API5: variants seen among roughly 807,000 people sequenced by gnomAD.
The protein encoded by API5 is FIF.
In API5, 6 loss-of-function variants were observed where a neutral mutation model predicts 71.9. That is an observed-to-expected ratio of 0.08 (90% CI 0.05 to 0.16). The LOEUF is 0.16. Among genes scored for constraint, API5 ranks in the 10% least tolerant of loss-of-function variants. The probability of loss-of-function intolerance (pLI) is 1.00; values close to 1 mark genes in which losing one functional copy is unlikely to be tolerated. For missense variants in API5, 332 were observed against 612.8 expected (o/e 0.54, Z 4.84); for synonymous variants, 189 against 221.3 (o/e 0.85, Z 1.30).
rs1855073479 is a variant in API5 at position 43,326,369 on chromosome 11, C to T, written c.751-138C>T. 1.1e-5 allele frequency: 6 copies of T among 543,574 alleles called. No individual in the cohort carries two copies. In the South Asian group the frequency reaches 1.4e-4, roughly 12 times the overall value. The allele number at this position is 543,574 out of a possible 1,614,324, so 33.7% of individuals were successfully genotyped here. On this transcript the variant is annotated intron_variant, in intron 6 of 13. Coordinates refer to ENST00000531273, the MANE Select transcript of API5 (RefSeq NM_001142930.2). ...CTATTGAGGTTATATCTGGGGCATG[C>T]TGGGGTGTGCACTATATCGTATTTG... is the stretch of plus-strand genomic sequence containing the variant.
chr11:43,323,609 C>T lies in API5; in HGVS notation c.723C>T (p.Cys241=). The T allele has an allele frequency of 6.2e-7, 1 of 1,613,982 alleles. No individual in the cohort carries two copies. The highest frequency in any genetic ancestry group is 1.1e-5 in the South Asian group (1 of 91,076). ...DPDCVDRLLQ[C]TRQAVPLFSK... is the part of the protein sequence containing the mutation. Reference sequence around the variant, plus strand: ...ACTGTGTGGACAGGCTCTTACAGTGCACTCGGCAGGCAGTACCCCTCTTCT... The same window carrying T: ...ACTGTGTGGACAGGCTCTTACAGTGTACTCGGCAGGCAGTACCCCTCTTCT... Residue 241 remains cysteine (C), a synonymous_variant, in exon 6 of 14, where the codon TGC becomes TGT. Coordinates refer to ENST00000531273, the MANE Select transcript of API5 (RefSeq NM_001142930.2).
intron 1 of API5, among the ~76,000 whole-genome samples, chr11:43,313,493 G>A (rs2134333704): frequency 6.6e-6 from 1 of 152,208 alleles, no homozygotes; most frequent in Non-Finnish European, 1.5e-5. Context: ...CTTGGAGAAA[G>A]TGGAAGATTC....
Position 43,327,856 on chromosome 11 carries a change from G to A in API5, c.923G>A (p.Arg308Lys). 1 of 1,611,866 alleles carries A rather than the reference G, an allele frequency of 6.2e-7. No homozygotes were observed. Among genetic ancestry groups the A allele is most frequent in the Non-Finnish European group, 8.5e-7 (1 of 1,178,828 alleles). ...GDMEKLETNLRKLFDKLLEYM... is the reference protein window; with the variant it reads ...GDMEKLETNLKKLFDKLLEYM... ...ATGGAAAAACTAGAAACAAATTTAA[G>A]GAAACTATTTGATAAGTTATTGGTA... Residue 308 changes from arginine (R) to lysine (K), a missense_variant, in exon 8 of 14, where the codon AGG (arginine) becomes AAG (lysine). By Grantham distance (26) the Arg-to-Lys change is conservative. Coordinates refer to ENST00000531273, the MANE Select transcript of API5 (RefSeq NM_001142930.2).
chr11:43,340,602 A>G (rs1182590732), intron 13 of API5, among the ~76,000 whole-genome samples: 1 of 152,252 alleles, frequency 6.6e-6, no homozygotes, highest in African/African-American at 2.4e-5. Flanking sequence ...AATGGAACAG[A>G]ACAGAGAACC....
At position 43,323,466 on chromosome 11, in the gene API5, T is replaced by G. The variant is rs752453501; in HGVS notation, c.580T>G (p.Phe194Val). 6.2e-7 allele frequency: 1 copy of G among 1,614,138 alleles called. No individual in the cohort carries two copies. The highest frequency in any genetic ancestry group is 1.1e-5 in the South Asian group (1 of 91,084). Reference protein sequence around the residue: ...EDVTGEEFVLFMKILSGLKSL... With the variant: ...EDVTGEEFVLVMKILSGLKSL... ...TGTGACTGGTGAAGAATTTGTTCTA[T>G]TTATGAAGATACTGTCTGGGTTAAA... is the stretch of plus-strand genomic sequence containing the variant. The change falls in exon 6 of 14, where the codon TTT becomes GTT. Residue 194 changes from phenylalanine (F) to valine (V), a missense_variant. Around this residue, in one of 3 missense-constraint regions of API5, gnomAD observed 127 missense variants for 237.6 expected, o/e 0.53. Transcript: ENST00000531273.
At chr11:43,318,585 T>A in intron 1 of API5, 55 bp from the exon 2 acceptor site, 1 of 1,596,412 alleles carries the variant, frequency 6.3e-7, no homozygotes. Context: ...GGTCTTTTAC[T>A]TTGCTTCCCA....
At position 43,312,056 on chromosome 11, in the gene API5, G is replaced by T; in HGVS notation, c.-72G>T. Reference sequence around the variant, plus strand: ...TAATAGTGCGGGTAGTGGGTTTGGAGAAGTTCCGAGGCGGCGGTGGCGCCG... The same window carrying T: ...TAATAGTGCGGGTAGTGGGTTTGGATAAGTTCCGAGGCGGCGGTGGCGCCG... On this transcript the variant is annotated 5_prime_UTR_variant, in exon 1 of 14. Transcript: ENST00000531273. 6.4e-7 allele frequency: 1 copy of T among 1,552,610 alleles called. No homozygotes were observed. The highest frequency in any genetic ancestry group is 8.8e-7 in the Non-Finnish European group (1 of 1,131,132).
intron 10 of API5, 155 bp from the exon 11 acceptor site, chr11:43,330,353 G>T: frequency 1.5e-6 from 1 of 683,618 alleles, no homozygotes; most frequent in Non-Finnish European, 2.6e-6. Context: ...CAAGCAATAG[G>T]AATACGCATT....
intron 13 of API5, chr11:43,339,378 C>G (rs1475803188): frequency 6.6e-6 from 1 of 152,188 alleles, no homozygotes; most frequent in Non-Finnish European, 1.5e-5. Context: ...CAAGCTCTCT[C>G]TATTGTTGCT....
chr11:43,324,030 T>C (rs971993261), intron 6 of API5, among the ~76,000 whole-genome samples: 1 of 152,100 alleles, frequency 6.6e-6, no homozygotes, highest in Non-Finnish European at 1.5e-5. Context: ...ATTTTTTTTT[T>C]CCTTTGAGAC....
chr11:43,340,773 C>G (rs1855584763), intron 13 of API5, among the ~76,000 whole-genome samples: 1 of 151,864 alleles, frequency 6.6e-6, no homozygotes, highest in African/African-American at 2.4e-5. Context: ...GCACCTCCCA[C>G]CCTGTACAAA....
At chr11:43,340,195 GA>G in intron 13 of API5, 5 of 340,156 alleles carry the variant, frequency 1.5e-5, no homozygotes, top group East Asian at 1.2e-4. Flanking sequence ...TAATAGCTGT[GA>G]AAAAAATCTA....
At chr11:43,323,408 T>C in intron 5 of API5, 22 bp from the exon 6 acceptor site, 1 of 1,583,406 alleles carries the variant, frequency 6.3e-7, no homozygotes, top group Non-Finnish European at 8.7e-7. Context: ...CATACTCTTA[T>C]TCTGAATTGT....
chr11:43,320,765 T>G, intron 2 of API5, 56 bp from the exon 3 acceptor site: 13 of 1,322,416 alleles, frequency 9.8e-6, no homozygotes, highest in African/African-American at 3.0e-5. Context: ...GAAAAAGCTG[T>G]TTGTTATTTT....
At chr11:43,316,387 G>A (rs1181432989) in intron 1 of API5, among the ~76,000 whole-genome samples, 1 of 13,472 alleles carries the variant, frequency 7.4e-5, no homozygotes, top group African/African-American at 1.2e-4. Context: ...TTTTAAGCAG[G>A]GTTTTTTTTT....
Position 43,315,376 on chromosome 11 carries a change from A to G in API5, c.69+3180A>G, listed in dbSNP as rs1437118233. Among the ~76,000 whole-genome samples the G allele has an allele frequency of 2.0e-5, 3 of 152,134 alleles. No individual in the cohort carries two copies. In the East Asian group the frequency reaches 5.8e-4, roughly 29 times the overall value. On this transcript the variant is annotated intron_variant, in intron 1 of 13. Coordinates refer to ENST00000531273, the MANE Select transcript of API5 (RefSeq NM_001142930.2). ...TTAAATTATAACGTCTCAAGGGTTA[A>G]ATCCTTTTATGTATTTATTTATTTA...
At chr11:43,316,315 T>G (rs2134339990) in intron 1 of API5, among the ~76,000 whole-genome samples, 1 of 152,346 alleles carries the variant, frequency 6.6e-6, no homozygotes, top group African/African-American at 2.4e-5. Context: ...TAAATATTGT[T>G]AATGATTCCT....
chr11:43,329,931 T>G (rs780882017), intron 9 of API5, 34 bp from the exon 10 acceptor site: 10 of 1,583,922 alleles, frequency 6.3e-6, no homozygotes, highest in Non-Finnish European at 8.7e-6. Flanking sequence ...ATTGAAGTGA[T>G]GAATTGCTAA....
rs1016735416 is a variant in API5 at position 43,313,119 on chromosome 11, A to G, written c.69+923A>G. On this transcript the variant is annotated intron_variant, in intron 1 of 13. Coordinates refer to ENST00000531273, the MANE Select transcript of API5 (RefSeq NM_001142930.2). ...AAGACCCCGTCTCAAAAAAAAAAAA[A>G]AAGGTTTTTTTTAAAAATTTATTCT... Among the ~76,000 whole-genome samples, 15 of 152,064 alleles carry G rather than the reference A, an allele frequency of 9.9e-5. No homozygotes were observed. The Middle Eastern group carries it at 0.017, about 172-fold the overall frequency.
Sources: allele counts gnomAD v4.1 joint callset (sites outside exome capture counted in the v4.1 genomes callset), GRCh38; gene constraint gnomAD v4.1.1; regional missense constraint gnomAD v4.1.1; transcripts MANE v1.5; gene names NCBI Gene and HGNC (gene_info 2026-07-23, HGNC 2026-07-21).